The following SLC25A27 variants were observed in gnomAD, a reference collection of about 807,000 sequenced individuals.
SLC25A27 encodes solute carrier family 25 member 27.
A neutral mutation model predicts 49.1 loss-of-function variants in SLC25A27; 35 were observed. That is an observed-to-expected ratio of 0.71 (90% CI 0.54 to 0.95). The LOEUF is 0.95. Ranked by LOEUF, SLC25A27 falls within the 40% of genes least tolerant of loss-of-function variation. The pLI is 0.00. For missense variants in SLC25A27, 339 were observed against 397.1 expected, an observed-to-expected ratio of 0.85 and a Z score of 1.24; for synonymous variants, 144 against 136.9, an observed-to-expected ratio of 1.05 and a Z score of -0.36.
At chr6:46,669,793 G>GT (rs1371825697) in intron 6 of SLC25A27, among the ~76,000 whole-genome samples, 2 of 152,126 alleles carry the variant, frequency 1.3e-5, no homozygotes, top group African/African-American at 2.4e-5. Flanking sequence ...ACTTCCCCAT[G>GT]TTTTTTTCAT....
In SLC25A27 at chr6:46,676,790, G is replaced by T. The variant is rs1763810963; in HGVS notation, c.*336G>T. The stretch of plus-strand genomic sequence containing the variant: ...TCTATGCTGAAGAGCCTGCTTAGAG[G>T]AGGAGTACCAGGAGGGAGCCAGCAT... On this transcript the variant is annotated 3_prime_UTR_variant, in exon 9 of 9. Transcript: ENST00000371347. 2.0e-6 allele frequency: 2 copies of T among 1,025,354 alleles called. No homozygotes were observed. The highest frequency in any genetic ancestry group is 1.5e-6 in the Non-Finnish European group (1 of 672,432). The allele number at this position is 1,025,354 out of a possible 1,614,324, so 63.5% of individuals were successfully genotyped here. A position where few individuals can be genotyped will look rare whatever the true frequency, so the allele number is the denominator to read the frequency against.
chr6:46,678,065 T>TATATATATATATATATA lies in SLC25A27; in HGVS notation c.*1611_*1612insATATATATATATATATA, dbSNP rs1763868217. The TATATATATATATATATA allele has an allele frequency of 7.3e-6, 1 of 136,938 alleles. No homozygotes were observed. The highest frequency in any genetic ancestry group is 1.6e-5 in the Non-Finnish European group (1 of 63,070). The allele number at this position is 136,938 out of a possible 1,614,324, so 8.5% of individuals were successfully genotyped here. A position where few individuals can be genotyped will look rare whatever the true frequency, so the allele number is the denominator to read the frequency against. On this transcript the variant is annotated 3_prime_UTR_variant, in exon 9 of 9. Transcript: ENST00000371347. ...ATATATATATATATATATATATATA[T>TATATATATATATATATA]GCTTAACTTCCCAAGTGTTCTGCAT...
At chr6:46,670,489 T>C in intron 7 of SLC25A27, 1 of 375,322 alleles carries the variant, frequency 2.7e-6, no homozygotes, top group South Asian at 3.1e-5. Flanking sequence ...GTTAAAAGCA[T>C]ATTCTGCTGA....
chr6:46,673,993 G>T (rs1260600920), intron 8 of SLC25A27, among the ~76,000 whole-genome samples: 1 of 152,116 alleles, frequency 6.6e-6, no homozygotes, highest in East Asian at 1.9e-4. Context: ...TATGTAGAAG[G>T]TGAGGGACAG....
intron 8 of SLC25A27, 145 bp downstream of exon 8, chr6:46,671,373 T>G (rs1763533753): frequency 1.5e-5 from 7 of 482,238 alleles, no homozygotes; most frequent in Middle Eastern, 5.0e-4. Context: ...AAATCTTCTT[T>G]TATTTCCTTT....
chr6:46,652,975 G>C lies in SLC25A27; in HGVS notation c.-218G>C. ...GCCCAGTAACCTCCTGGGCTCCGCT[G>C]TGTTTTTCTATTCTGGGGTGTAAGG... On this transcript the variant is annotated 5_prime_UTR_variant, in exon 1 of 9. Transcript: ENST00000371347. The C allele has an allele frequency of 1.7e-6, 1 of 585,600 alleles. No homozygotes were observed. Among genetic ancestry groups the C allele is most frequent in the Non-Finnish European group, 3.0e-6 (1 of 330,046 alleles). The allele number at this position is 585,600 out of a possible 1,614,324, so 36.3% of individuals were successfully genotyped here.
At position 46,653,117 on chromosome 6, in the gene SLC25A27, G is replaced by T. The variant is rs1038787810; in HGVS notation, c.-76G>T. 249 of 1,398,760 alleles carry T rather than the reference G, an allele frequency of 1.8e-4. 1 individual carries two copies. The highest frequency in any genetic ancestry group is 4.5e-4 in the South Asian group (37 of 83,054). 86.6% of individuals were successfully genotyped at this position (1,398,760 alleles called of 1,614,324 possible). ...CGCCGGTTGAAAAGGGGCCGCCCTG[G>T]CAGGGAAGCGGCCGCCGCGGCGCGG... On this transcript the variant is annotated 5_prime_UTR_variant, in exon 1 of 9. Coordinates refer to ENST00000371347, the MANE Select transcript of SLC25A27 (RefSeq NM_004277.5).
At position 46,676,965 on chromosome 6, in the gene SLC25A27, G is replaced by C. The variant is rs958353286; in HGVS notation, c.*511G>C. Reference sequence around the variant, plus strand: ...AAGCGTACATACTGTAAATTAAAGGGAGGTGAATGGAAATTAATGAATAAA... The same window carrying C: ...AAGCGTACATACTGTAAATTAAAGGCAGGTGAATGGAAATTAATGAATAAA... On this transcript the variant is annotated 3_prime_UTR_variant, in exon 9 of 9. Coordinates refer to ENST00000371347, the MANE Select transcript of SLC25A27 (RefSeq NM_004277.5). The C allele has an allele frequency of 2.3e-5, 8 of 344,110 alleles. No individual in the cohort carries two copies. The highest frequency in any genetic ancestry group is 1.5e-4 in the African/African-American group (7 of 47,418). The allele number at this position is 344,110 out of a possible 1,614,324, so 21.3% of individuals were successfully genotyped here.
At chr6:46,653,572 A>T (rs1402165697) in intron 1 of SLC25A27, 4 of 985,288 alleles carry the variant, frequency 4.1e-6, no homozygotes, top group East Asian at 2.3e-4. Flanking sequence ...GCGAGCTGTC[A>T]TTCCTCTGTA....
intron 1 of SLC25A27, 91 bp downstream of exon 1, chr6:46,653,389 G>A (rs974372722): frequency 1.8e-5 from 27 of 1,465,280 alleles, no homozygotes; most frequent in Non-Finnish European, 2.1e-5. Context: ...CCGGCAGTGC[G>A]CATCGGAGAG....
intron 2 of SLC25A27, chr6:46,658,442 C>T (rs1484176162): frequency 1.9e-5 from 8 of 414,886 alleles, no homozygotes; most frequent in Admixed American, 5.9e-5. Context: ...TCATTTCATA[C>T]GTTTGATGCT....
At chr6:46,654,182 A>G in intron 1 of SLC25A27, 1 of 938,960 alleles carries the variant, frequency 1.1e-6, no homozygotes, top group Non-Finnish European at 1.3e-6. Flanking sequence ...TTAACTGTGT[A>G]TTTTAAGATT....
rs764314913 is a variant in SLC25A27, at chr6:46,676,472, C to A, written c.*18C>A. The A allele has an allele frequency of 6.2e-7, 1 of 1,613,428 alleles. No individual in the cohort carries two copies. On this transcript the variant is annotated 3_prime_UTR_variant, in exon 9 of 9. Coordinates refer to ENST00000371347, the MANE Select transcript of SLC25A27 (RefSeq NM_004277.5). ...CATTTTAAACCCCTAAAGATGCAACCCTTAAAGATACAGTGTTCAGTATTA... is the reference window on the plus strand; with the variant it reads ...CATTTTAAACCCCTAAAGATGCAACACTTAAAGATACAGTGTTCAGTATTA...
rs1188923719 is a variant in SLC25A27, at chr6:46,659,062, A to G, written c.383+16A>G. 1.3e-6 allele frequency: 2 copies of G among 1,546,784 alleles called. No homozygotes were observed. Among genetic ancestry groups the G allele is most frequent in the Non-Finnish European group, 8.9e-7 (1 of 1,122,566 alleles). On this transcript the variant is annotated intron_variant, in intron 3 of 8. Coordinates refer to ENST00000371347, the MANE Select transcript of SLC25A27 (RefSeq NM_004277.5). The stretch of plus-strand genomic sequence containing the variant: ...ATCCCCTTTGGTAAGTTTTGTTTGG[A>G]AAATAATATGCTGTTGCCCCAAATG...
Position 46,655,885 on chromosome 6 carries a change from A to C in SLC25A27, c.149A>C (p.Gln50Pro). 1 of 1,613,106 alleles carries C rather than the reference A, an allele frequency of 6.2e-7. No homozygotes were observed. The highest frequency in any genetic ancestry group is 8.5e-7 in the Non-Finnish European group (1 of 1,179,776). ...CTCACAAAAACTCGACTCCAAATGC[A>C]AGGAGAAGCAGCTCTTGCTCGGTTG... ...LDLTKTRLQMQGEAALARLGD... is the reference protein window; with the variant it reads ...LDLTKTRLQMPGEAALARLGD... The change falls in exon 2 of 9, where the codon CAA becomes CCA. Residue 50 changes from glutamine (Q) to proline (P), a missense_variant. By Grantham distance (76) the Gln-to-Pro change is moderately conservative. Transcript: ENST00000371347.
intron 4 of SLC25A27, among the ~76,000 whole-genome samples, chr6:46,663,101 A>G (rs534872144): frequency 6.6e-6 from 1 of 152,216 alleles, no homozygotes; most frequent in East Asian, 1.9e-4. Flanking sequence ...GCATTACACT[A>G]TATTACTAAA....
intron 4 of SLC25A27, among the ~76,000 whole-genome samples, chr6:46,663,864 C>T (rs1179542598): frequency 6.6e-6 from 1 of 152,102 alleles, no homozygotes; most frequent in Non-Finnish European, 1.5e-5. Context: ...TTGGTTTCTT[C>T]GAATGTAAAT....
chr6:46,661,920 T>C (rs1403472671), intron 3 of SLC25A27, among the ~76,000 whole-genome samples: 1 of 152,178 alleles, frequency 6.6e-6, no homozygotes, highest in Non-Finnish European at 1.5e-5. Context: ...GACTTTTCTT[T>C]TATACCCATT....
intron 5 of SLC25A27, among the ~76,000 whole-genome samples, chr6:46,666,031 G>GA (rs1173694965): frequency 7.9e-4 from 120 of 152,336 alleles, no homozygotes; most frequent in African/African-American, 2.7e-3. Flanking sequence ...GAGTGGTGCA[G>GA]TAATGAGCTG....
Sources: gnomAD v4.1 joint callset for allele counts (sites outside exome capture counted in the v4.1 genomes callset) on GRCh38, gnomAD v4.1.1 for gene constraint, MANE v1.5 for transcripts, NCBI Gene and HGNC (gene_info 2026-07-23, HGNC 2026-07-21) for gene names.